The following SGIP1 variants were observed in gnomAD, a reference collection of about 807,000 sequenced individuals.
SGIP1 encodes the protein SH3GL interacting endocytic adaptor 1.
SGIP1 carries 38 observed loss-of-function variants against 107.5 expected under a neutral mutation model. That is an observed-to-expected ratio of 0.35 (90% CI 0.27 to 0.46). The LOEUF is 0.46. Ranked by LOEUF, SGIP1 falls within the 20% of genes least tolerant of loss-of-function variation. The pLI, the probability that SGIP1 is intolerant of heterozygous loss-of-function variation, is 1.00. For synonymous variants in SGIP1, 365 were observed against 366.1 expected, an observed-to-expected ratio of 1.00 and a Z score of 0.03; for missense variants, 929 against 1,019.5, an observed-to-expected ratio of 0.91 and a Z score of 1.21.
intron 2 of SGIP1, among the ~76,000 whole-genome samples, chr1:66,626,404 A>G (rs2072787973): frequency 6.6e-6 from 1 of 152,120 alleles, no homozygotes; most frequent in African/African-American, 2.4e-5. Context: ...AACCAACAGA[A>G]TTCAGGAATT....
intron 2 of SGIP1, among the ~76,000 whole-genome samples, chr1:66,630,863 GAAAGAAAGAAAGAAAGAAAGAAA>G (rs2074243707): frequency 3.1e-5 from 1 of 31,858 alleles, no homozygotes; most frequent in Non-Finnish European, 5.0e-5. Context: ...AAGAAAGAAA[GAAAGAAAGAAAGAAAGAAAGAAA>G]GAAAGAAAGA....
chr1:66,635,101 T>C (rs539906791), intron 3 of SGIP1, among the ~76,000 whole-genome samples: 1 of 152,390 alleles, frequency 6.6e-6, no homozygotes, highest in South Asian at 2.1e-4. Flanking sequence ...CTAATGCTTA[T>C]AAACTACTTG....
At chr1:66,608,205 A>C (rs1263303471) in intron 1 of SGIP1, among the ~76,000 whole-genome samples, 1 of 152,236 alleles carries the variant, frequency 6.6e-6, no homozygotes, top group African/African-American at 2.4e-5. Flanking sequence ...CCCACTTCAC[A>C]GTGTAGTACT....
At chr1:66,597,863 T>C (rs192434881) in intron 1 of SGIP1, among the ~76,000 whole-genome samples, 124 of 152,328 alleles carry the variant, frequency 8.1e-4, no homozygotes, top group Non-Finnish European at 1.2e-3. Flanking sequence ...TTGCTGAATG[T>C]TTTTAGCTTG....
chr1:66,557,103 G>A (rs2058292901), intron 1 of SGIP1, among the ~76,000 whole-genome samples: 1 of 152,122 alleles, frequency 6.6e-6, no homozygotes, highest in Non-Finnish European at 1.5e-5. Flanking sequence ...AGGTTTAGGT[G>A]AGGGTCAGTC....
At chr1:66,543,188 G>A (rs2055429533) in intron 1 of SGIP1, among the ~76,000 whole-genome samples, 1 of 152,138 alleles carries the variant, frequency 6.6e-6, no homozygotes. Context: ...GTCATGATGT[G>A]ATGTCACTAG....
chr1:66,610,062 G>T (rs1344421680), intron 1 of SGIP1, among the ~76,000 whole-genome samples: 1 of 152,110 alleles, frequency 6.6e-6, no homozygotes, highest in East Asian at 1.9e-4. Flanking sequence ...CAGCTAAAAA[G>T]TTATTAGCGT....
intron 17 of SGIP1, among the ~76,000 whole-genome samples, chr1:66,694,278 T>C (rs758875384): frequency 6.6e-6 from 1 of 152,018 alleles, no homozygotes; most frequent in East Asian, 1.9e-4. Flanking sequence ...AAGAAAACAC[T>C]TCTTTATATC....
At chr1:66,718,220 C>G (rs1163285624) in intron 18 of SGIP1, among the ~76,000 whole-genome samples, 1 of 151,964 alleles carries the variant, frequency 6.6e-6, no homozygotes, top group African/African-American at 2.4e-5. Flanking sequence ...GTAGTCTATG[C>G]TGGGAGTGGG....
Position 66,643,935 on chromosome 1 carries a change from T to C in SGIP1, c.459+216T>C, listed in dbSNP as rs569810879. ...GTGCTTTTCAAAAAGGTGAAAAATATATGGAACCACATTTTCTTTTGACTT... is the reference window on the plus strand; with the variant it reads ...GTGCTTTTCAAAAAGGTGAAAAATACATGGAACCACATTTTCTTTTGACTT... On this transcript the variant is annotated intron_variant, in intron 7 of 24. Transcript: ENST00000371037. The C allele has an allele frequency of 2.1e-5, 7 of 333,766 alleles. No homozygotes were observed. The South Asian group carries it at 8.6e-4, about 41-fold the overall frequency. 20.7% of individuals were successfully genotyped at this position (333,766 alleles called of 1,614,324 possible). A position where few individuals can be genotyped will look rare whatever the true frequency, so the allele number is the denominator to read the frequency against.
chr1:66,703,199 C>T (rs2092141007), intron 18 of SGIP1, among the ~76,000 whole-genome samples: 1 of 152,120 alleles, frequency 6.6e-6, no homozygotes, highest in Non-Finnish European at 1.5e-5. Context: ...AATAAAACTC[C>T]TGCCTTCCAG....
At chr1:66,547,625 G>T (rs926754052) in intron 1 of SGIP1, among the ~76,000 whole-genome samples, 5 of 152,134 alleles carry the variant, frequency 3.3e-5, no homozygotes, top group Admixed American at 6.5e-5. Context: ...TAGTGACAGT[G>T]CAAGGCGATG....
At chr1:66,589,719 A>T (rs944946239) in intron 1 of SGIP1, among the ~76,000 whole-genome samples, 7 of 152,180 alleles carry the variant, frequency 4.6e-5, no homozygotes, top group Non-Finnish European at 7.3e-5. Context: ...ATTTTCTTTA[A>T]GTAAAGGTTT....
At chr1:66,583,845 A>T (rs150684104) in intron 1 of SGIP1, among the ~76,000 whole-genome samples, 309 of 152,292 alleles carry the variant, frequency 2.0e-3, no homozygotes, top group African/African-American at 7.0e-3. Flanking sequence ...AGTAGTCAAC[A>T]CATAATACCT....
intron 18 of SGIP1, among the ~76,000 whole-genome samples, chr1:66,699,489 G>A (rs2091543012): frequency 6.6e-6 from 1 of 151,956 alleles, no homozygotes; most frequent in Admixed American, 6.6e-5. Flanking sequence ...CTGGCTCCAG[G>A]GCCTCTTGAT....
chr1:66,692,827 C>A (rs1251735996), intron 17 of SGIP1, among the ~76,000 whole-genome samples: 2 of 152,076 alleles, frequency 1.3e-5, no homozygotes. Context: ...AAGAAGATGC[C>A]CCTAAATGAC....
At chr1:66,562,075 G>T (rs1246896019) in intron 1 of SGIP1, among the ~76,000 whole-genome samples, 2 of 151,630 alleles carry the variant, frequency 1.3e-5, no homozygotes, top group Non-Finnish European at 2.9e-5. Context: ...GTTTAAATAG[G>T]TGTGGGAGTT....
At chr1:66,647,497 A>G (rs1245588554) in intron 7 of SGIP1, among the ~76,000 whole-genome samples, 1 of 152,184 alleles carries the variant, frequency 6.6e-6, no homozygotes, top group East Asian at 1.9e-4. Context: ...ACAAATGGCT[A>G]TTGGTGGACT....
chr1:66,576,462 GTC>G (rs1449885337), intron 1 of SGIP1, among the ~76,000 whole-genome samples: 1 of 152,118 alleles, frequency 6.6e-6, no homozygotes, highest in Non-Finnish European at 1.5e-5. Context: ...AAGCCTCAGT[GTC>G]CTCATCTACA....
Sources: gnomAD v4.1 joint callset for allele counts (sites outside exome capture counted in the v4.1 genomes callset) on GRCh38, gnomAD v4.1.1 for gene constraint, MANE v1.5 for transcripts, NCBI Gene and HGNC (gene_info 2026-07-23, HGNC 2026-07-21) for gene names.